Variants in PRKCA observed in about 807,000 individuals in gnomAD.
The protein encoded by PRKCA is protein kinase C alpha.
A neutral mutation model predicts 87.0 loss-of-function variants in PRKCA; 27 were observed. That is an observed-to-expected ratio of 0.31 (90% CI 0.23 to 0.43). The LOEUF is 0.43. PRKCA is among the 20% of genes least tolerant of loss of function. PRKCA has a pLI of 1.00. For missense variants in PRKCA, 518 were observed against 852.3 expected (o/e 0.61, Z 4.88); for synonymous variants, 329 against 311.1 (o/e 1.06, Z -0.61).
intron 8 of PRKCA, among the ~76,000 whole-genome samples, chr17:66,707,945 G>A (rs189540183): frequency 6.6e-6 from 1 of 152,302 alleles, no homozygotes; most frequent in Admixed American, 6.5e-5. Context: ...ATGTAACATG[G>A]CTTTTATAGG....
chr17:66,471,586 AAC>A (rs1468072406), intron 2 of PRKCA, among the ~76,000 whole-genome samples: 1 of 152,198 alleles, frequency 6.6e-6, no homozygotes, highest in African/African-American at 2.4e-5. Context: ...GCAAATGTAA[AAC>A]ACATTTTCAA....
At chr17:66,752,682 T>C (rs930535886) in intron 13 of PRKCA, among the ~76,000 whole-genome samples, 2 of 152,182 alleles carry the variant, frequency 1.3e-5, no homozygotes, top group African/African-American at 4.8e-5. Flanking sequence ...TGCAGGGACA[T>C]CCCTACCATG....
intron 2 of PRKCA, among the ~76,000 whole-genome samples, chr17:66,341,628 G>A (rs561753088): frequency 5.2e-4 from 79 of 152,158 alleles, no homozygotes; most frequent in African/African-American, 1.9e-3. Context: ...AGAAAGAAAG[G>A]GACTGTTTTC....
chr17:66,683,089 C>A (rs976122323), intron 5 of PRKCA, among the ~76,000 whole-genome samples: 1 of 152,186 alleles, frequency 6.6e-6, no homozygotes, highest in African/African-American at 2.4e-5. Flanking sequence ...AACACACTAG[C>A]GCTTGTTAAT....
chr17:66,440,931 G>A (rs1160598001), intron 2 of PRKCA, among the ~76,000 whole-genome samples: 1 of 152,058 alleles, frequency 6.6e-6, no homozygotes, highest in Non-Finnish European at 1.5e-5. Context: ...GGGAGGCTGA[G>A]GCGGGTGGAT....
At chr17:66,371,977 T>C (rs1163223085) in intron 2 of PRKCA, among the ~76,000 whole-genome samples, 1 of 152,242 alleles carries the variant, frequency 6.6e-6, no homozygotes, top group Non-Finnish European at 1.5e-5. Flanking sequence ...AGTGAGACGC[T>C]GTATCCAGGG....
At chr17:66,505,961 G>A (rs918897735) in intron 3 of PRKCA, among the ~76,000 whole-genome samples, 8 of 152,120 alleles carry the variant, frequency 5.3e-5, no homozygotes, top group Admixed American at 2.0e-4. Flanking sequence ...GGAGACAGGC[G>A]TGAGCAGCTT....
chr17:66,774,116 A>C, intron 14 of PRKCA, 49 bp downstream of exon 14: 2 of 1,613,576 alleles, frequency 1.2e-6, no homozygotes, highest in Non-Finnish European at 1.7e-6. Context: ...TGTTATGTGA[A>C]TACTTCAGCT....
chr17:66,312,220 G>A (rs373402730), intron 2 of PRKCA, among the ~76,000 whole-genome samples: 10 of 152,174 alleles, frequency 6.6e-5, no homozygotes, highest in East Asian at 3.9e-4. Context: ...GACCTTAGGT[G>A]ATCCTCCTGT....
At chr17:66,311,227 G>C (rs1379902468) in intron 2 of PRKCA, among the ~76,000 whole-genome samples, 1 of 152,170 alleles carries the variant, frequency 6.6e-6, no homozygotes, top group Non-Finnish European at 1.5e-5. Context: ...AGTTTTTGTA[G>C]TAATGCCAGG....
At chr17:66,337,587 C>T (rs943600998) in intron 2 of PRKCA, among the ~76,000 whole-genome samples, 4 of 151,884 alleles carry the variant, frequency 2.6e-5, no homozygotes, top group East Asian at 1.9e-4. Flanking sequence ...GGTTTCACTA[C>T]GTTTCCCAGG....
intron 3 of PRKCA, among the ~76,000 whole-genome samples, chr17:66,518,852 CAG>C (rs1274593309): frequency 6.6e-6 from 1 of 152,154 alleles, no homozygotes; most frequent in Non-Finnish European, 1.5e-5. Context: ...GTCATGGAAA[CAG>C]ATCTTGGAGT....
At chr17:66,306,466 C>T (rs1014833002) in intron 2 of PRKCA, 2 of 234,010 alleles carry the variant, frequency 8.5e-6, no homozygotes, top group African/African-American at 4.6e-5. Flanking sequence ...TGTTCTTCCT[C>T]TTTGTTTTTA....
At chr17:66,319,969 C>G (rs1418664637) in intron 2 of PRKCA, among the ~76,000 whole-genome samples, 1 of 152,058 alleles carries the variant, frequency 6.6e-6, no homozygotes, top group Admixed American at 6.6e-5. Context: ...GTCTTGAACA[C>G]CTGACCTCAA....
At chr17:66,338,103 A>T (rs1906818446) in intron 2 of PRKCA, among the ~76,000 whole-genome samples, 1 of 141,916 alleles carries the variant, frequency 7.0e-6, no homozygotes, top group African/African-American at 3.0e-5. Flanking sequence ...TTGCTGAATG[A>T]TTTCCTAAGG....
At chr17:66,344,980 G>A (rs550606345) in intron 2 of PRKCA, among the ~76,000 whole-genome samples, 4 of 152,138 alleles carry the variant, frequency 2.6e-5, no homozygotes, top group African/African-American at 4.8e-5. Flanking sequence ...CTGAAAGAAC[G>A]AATATACCTA....
chr17:66,610,198 A>T (rs28592819), intron 3 of PRKCA, among the ~76,000 whole-genome samples: 3 of 152,104 alleles, frequency 2.0e-5, no homozygotes, highest in African/African-American at 7.3e-5. Flanking sequence ...ACTTACATTT[A>T]CCAGTTTATT....
chr17:66,684,847 G>A (rs1011140811), intron 5 of PRKCA, among the ~76,000 whole-genome samples: 1 of 152,170 alleles, frequency 6.6e-6, no homozygotes, highest in Non-Finnish European at 1.5e-5. Flanking sequence ...AGACATTCCA[G>A]GGCATTTTCT....
intron 2 of PRKCA, among the ~76,000 whole-genome samples, chr17:66,418,815 G>A (rs1598656458): frequency 1.3e-5 from 2 of 151,912 alleles, no homozygotes; most frequent in African/African-American, 2.4e-5. Flanking sequence ...GCAGTGGCGC[G>A]ATCTCGGCTC....
Sources: gnomAD v4.1 joint callset for allele counts (sites outside exome capture counted in the v4.1 genomes callset) on GRCh38, gnomAD v4.1.1 for gene constraint, MANE v1.5 for transcripts, NCBI Gene and HGNC (gene_info 2026-07-23, HGNC 2026-07-21) for gene names.